The following CELF4 variants were observed in gnomAD, a reference collection of about 807,000 sequenced individuals.
CELF4 encodes the protein CUGBP Elav-like family member 4, also known as CUG-BP- and ETR-3-like factor 4.
A neutral mutation model predicts 59.9 loss-of-function variants in CELF4; 18 were observed. The observed-to-expected ratio is 0.30, with a 90% confidence interval of 0.21 to 0.45. CELF4 has a LOEUF of 0.45. Among genes scored for constraint, CELF4 ranks in the 20% least tolerant of loss-of-function variants. The probability of loss-of-function intolerance (pLI) is 1.00; values close to 1 mark genes in which losing one functional copy is unlikely to be tolerated. For synonymous variants in CELF4, 261 were observed against 267.1 expected (o/e 0.98, Z 0.22); for missense variants, 456 against 689.0 (o/e 0.66, Z 3.79).
At position 37,297,228 on chromosome 18, in the gene CELF4, G is replaced by A. The variant is rs1362423370; in HGVS notation, c.449-21985C>T. On this transcript the variant is annotated intron_variant, in intron 3 of 12. Coordinates refer to ENST00000420428, the MANE Select transcript of CELF4 (RefSeq NM_020180.4). ...GCAGATCACCTGCTATCAGTGAAAT[G>A]TAGCAGGTGGCGAGGGCACCGGGAG... is the stretch of plus-strand genomic sequence containing the variant. Among the ~76,000 whole-genome samples, 8 of 152,168 alleles carry A rather than the reference G, an allele frequency of 5.3e-5. No individual in the cohort carries two copies. In the South Asian group the frequency reaches 1.0e-3, roughly 20 times the overall value.
rs535656778 is a variant in CELF4 at position 37,501,636 on chromosome 18, T to C, written c.287-16029A>G. On this transcript the variant is annotated intron_variant, in intron 1 of 12. Transcript: ENST00000420428. ...AACCAAGCTTCAGACTGTAGAGGCCTGAGGAAGCCATAGACAGAAACAGGG... is the reference window on the plus strand; with the variant it reads ...AACCAAGCTTCAGACTGTAGAGGCCCGAGGAAGCCATAGACAGAAACAGGG... 3.3e-5 allele frequency among the ~76,000 whole-genome samples: 5 copies of C among 152,280 alleles called. No individual in the cohort carries two copies. The East Asian group carries it at 9.7e-4, about 29-fold the overall frequency.
intron 2 of CELF4, among the ~76,000 whole-genome samples, chr18:37,385,589 C>G (rs563393811): frequency 2.0e-5 from 3 of 152,296 alleles, no homozygotes; most frequent in South Asian, 2.1e-4. Flanking sequence ...CCTCCCCCAG[C>G]CCACAATACC....
intron 9 of CELF4, among the ~76,000 whole-genome samples, chr18:37,265,161 T>TGTGC (rs2076907268): frequency 6.6e-6 from 1 of 151,540 alleles, no homozygotes; most frequent in Admixed American, 6.6e-5. Context: ...GGTGTATGTG[T>TGTGC]GTGCGTGCGT....
At chr18:37,429,433 T>C (rs2099634401) in intron 2 of CELF4, among the ~76,000 whole-genome samples, 1 of 152,152 alleles carries the variant, frequency 6.6e-6, no homozygotes, top group South Asian at 2.1e-4. Context: ...TATAGTCTCA[T>C]TGTGTGTGCA....
chr18:37,407,688 T>G (rs1480694658), intron 2 of CELF4, among the ~76,000 whole-genome samples: 3 of 152,072 alleles, frequency 2.0e-5, no homozygotes, highest in African/African-American at 7.2e-5. Flanking sequence ...GTTATTAACC[T>G]GGTTCACAGC....
rs544485550 is a variant in CELF4, at chr18:37,434,008, T to C, written c.369+51517A>G. Among the ~76,000 whole-genome samples the C allele has an allele frequency of 2.0e-5, 3 of 152,306 alleles. No homozygotes were observed. The East Asian group carries it at 5.8e-4, about 29-fold the overall frequency. On this transcript the variant is annotated intron_variant, in intron 2 of 12. Coordinates refer to ENST00000420428, the MANE Select transcript of CELF4 (RefSeq NM_020180.4). ...AAGTTTTTAAACAGAGAAATCTTAG[T>C]TGAGTGCTCCCTACACCTAAGGCCC... is the stretch of plus-strand genomic sequence containing the variant.
chr18:37,313,097 C>A (rs184557437), intron 3 of CELF4, among the ~76,000 whole-genome samples: 65 of 152,306 alleles, frequency 4.3e-4, no homozygotes, highest in African/African-American at 1.4e-3. Context: ...AGTCACTGGA[C>A]GCCTTCTCTC....
intron 3 of CELF4, among the ~76,000 whole-genome samples, chr18:37,295,636 G>C (rs2154431977): frequency 6.6e-6 from 1 of 152,302 alleles, no homozygotes; most frequent in African/African-American, 2.4e-5. Context: ...TTACAGAGGA[G>C]GAAATGGAGG....
At chr18:37,499,983 G>A (rs1053505188) in intron 1 of CELF4, among the ~76,000 whole-genome samples, 2 of 152,148 alleles carry the variant, frequency 1.3e-5, no homozygotes, top group African/African-American at 4.8e-5. Context: ...TGGTCAGTAC[G>A]GTAGCTAGAG....
chr18:37,333,245 G>A (rs749577722), intron 2 of CELF4, among the ~76,000 whole-genome samples: 15 of 151,992 alleles, frequency 9.9e-5, no homozygotes, highest in Non-Finnish European at 2.1e-4. Flanking sequence ...AAACATGATC[G>A]CTCAGGCCAA....
At chr18:37,384,992 T>G (rs1247715899) in intron 2 of CELF4, among the ~76,000 whole-genome samples, 1 of 152,208 alleles carries the variant, frequency 6.6e-6, no homozygotes, top group Non-Finnish European at 1.5e-5. Flanking sequence ...TTTCTCCCTT[T>G]GTCCTCATAA....
intron 2 of CELF4, among the ~76,000 whole-genome samples, chr18:37,451,669 CA>C (rs2099764450): frequency 6.6e-6 from 1 of 152,190 alleles, no homozygotes; most frequent in South Asian, 2.1e-4. Context: ...TGGCTCCTGA[CA>C]GGGGTCTCCG....
chr18:37,267,052 G>C (rs1486846988), intron 8 of CELF4, among the ~76,000 whole-genome samples: 2 of 152,200 alleles, frequency 1.3e-5, no homozygotes, highest in East Asian at 3.9e-4. Context: ...CTACCACTTT[G>C]TCCTCCTGGG....
intron 2 of CELF4, among the ~76,000 whole-genome samples, chr18:37,354,559 G>A (rs563867136): frequency 6.0e-4 from 91 of 152,344 alleles, no homozygotes; most frequent in Admixed American, 1.4e-3. Flanking sequence ...AGGTAAAAAT[G>A]TATTCTCTCA....
intron 1 of CELF4, among the ~76,000 whole-genome samples, chr18:37,530,684 T>C (rs960628679): frequency 6.6e-6 from 1 of 152,128 alleles, no homozygotes; most frequent in South Asian, 2.1e-4. Context: ...TTTCTCTTCC[T>C]TTCCTTTGTT....
At position 37,501,655 on chromosome 18, in the gene CELF4, A is replaced by C. The variant is rs527960676; in HGVS notation, c.287-16048T>G. 3.3e-3 allele frequency among the ~76,000 whole-genome samples: 503 copies of C among 152,356 alleles called. 3 individuals are homozygous for C. Among genetic ancestry groups the C allele is most frequent in the Non-Finnish European group, 1.9e-3 (130 of 68,032 alleles). On this transcript the variant is annotated intron_variant, in intron 1 of 12. Transcript: ENST00000420428. ...GAGGCCTGAGGAAGCCATAGACAGA[A>C]ACAGGGCATCTGGGGAACCTTCCTG...
chr18:37,506,260 T>A (rs1197758416), intron 1 of CELF4, among the ~76,000 whole-genome samples: 1 of 152,148 alleles, frequency 6.6e-6, no homozygotes, highest in African/African-American at 2.4e-5. Context: ...TAATTAGCAG[T>A]GGCAAAAATA....
chr18:37,478,471 C>T (rs569306271), intron 2 of CELF4, among the ~76,000 whole-genome samples: 20 of 152,302 alleles, frequency 1.3e-4, no homozygotes, highest in African/African-American at 3.6e-4. Flanking sequence ...TGGACTATGT[C>T]GTGGGGGCCA....
chr18:37,353,802 G>A (rs1160726330), intron 2 of CELF4, among the ~76,000 whole-genome samples: 8 of 147,890 alleles, frequency 5.4e-5, no homozygotes, highest in Non-Finnish European at 6.0e-5. Context: ...AGTCACCCAG[G>A]CTAGAGTGCA....
Sources: allele counts gnomAD v4.1 joint callset (sites outside exome capture counted in the v4.1 genomes callset), GRCh38; gene constraint gnomAD v4.1.1; transcripts MANE v1.5; gene names NCBI Gene and HGNC (gene_info 2026-07-23, HGNC 2026-07-21).